The following HMGCLL1 variants were observed in gnomAD, a reference collection of about 807,000 sequenced individuals.
HMGCLL1 encodes 3-hydroxymethyl-3-methylglutaryl-CoA lyase, cytoplasmic.
Under a neutral mutation model 39.1 loss-of-function variants are expected in HMGCLL1, and 36 were observed. The ratio of observed to expected loss-of-function variants is 0.92; its 90% CI spans 0.71 to 1.22. The LOEUF (loss-of-function observed/expected upper bound fraction) is 1.22. Among genes scored for constraint, HMGCLL1 ranks in the 50% most tolerant of loss-of-function variants. The probability of loss-of-function intolerance (pLI) is 0.00; values close to 1 mark genes in which losing one functional copy is unlikely to be tolerated. For synonymous variants in HMGCLL1, 149 were observed against 144.0 expected, an observed-to-expected ratio of 1.03 and a Z score of -0.25; for missense variants, 451 against 416.5, an observed-to-expected ratio of 1.08 and a Z score of -0.72.
At chr6:55,589,332 G>T in the HMGCLL1 span, among the ~76,000 whole-genome samples, 1 of 152,190 alleles carries the variant, frequency 6.6e-6, no homozygotes, top group African/African-American at 2.4e-5. Flanking sequence ...TGCAGAAAAG[G>T]CCTTTGACAA....
At chr6:55,518,395 A>G (rs1767860797) in intron 3 of HMGCLL1, among the ~76,000 whole-genome samples, 1 of 152,178 alleles carries the variant, frequency 6.6e-6, no homozygotes, top group African/African-American at 2.4e-5. Flanking sequence ...GCATTGTTCC[A>G]ACAAAAAATG....
the HMGCLL1 span, among the ~76,000 whole-genome samples, chr6:55,653,086 A>C: frequency 6.6e-6 from 1 of 152,036 alleles, no homozygotes; most frequent in East Asian, 1.9e-4. Flanking sequence ...AATGAAATCC[A>C]TATCCAACTT....
At chr6:55,625,917 A>C in the HMGCLL1 span, among the ~76,000 whole-genome samples, 1 of 152,084 alleles carries the variant, frequency 6.6e-6, no homozygotes, top group African/African-American at 2.4e-5. Context: ...TTCTGTGGAC[A>C]CCACTCAGCC....
At chr6:55,436,890 G>A (rs1763392563) in intron 8 of HMGCLL1, among the ~76,000 whole-genome samples, 1 of 151,938 alleles carries the variant, frequency 6.6e-6, no homozygotes, top group African/African-American at 2.4e-5. Context: ...ACTAACATTT[G>A]CTTTGGTTTG....
At chr6:55,529,129 C>T (rs915286305) in intron 3 of HMGCLL1, among the ~76,000 whole-genome samples, 2 of 151,984 alleles carry the variant, frequency 1.3e-5, no homozygotes, top group Non-Finnish European at 2.9e-5. Flanking sequence ...TTGTGACCAC[C>T]CTCCTGGTCT....
At chr6:55,541,103 C>T (rs978305376) in intron 3 of HMGCLL1, among the ~76,000 whole-genome samples, 1 of 152,110 alleles carries the variant, frequency 6.6e-6, no homozygotes, top group Non-Finnish European at 1.5e-5. Flanking sequence ...GAGTGTTTTA[C>T]TGGTTGCTAA....
chr6:55,586,154 T>A, the HMGCLL1 span, among the ~76,000 whole-genome samples: 4 of 152,032 alleles, frequency 2.6e-5, no homozygotes, highest in African/African-American at 9.7e-5. Context: ...CTTAACTAAC[T>A]AAAATAGGCC....
At chr6:55,498,755 C>T (rs1018935169) in intron 6 of HMGCLL1, among the ~76,000 whole-genome samples, 2 of 152,032 alleles carry the variant, frequency 1.3e-5, no homozygotes, top group African/African-American at 4.8e-5. Flanking sequence ...TCTGGAATAA[C>T]AGCAACTTAA....
At chr6:55,636,682 A>T in the HMGCLL1 span, among the ~76,000 whole-genome samples, 1 of 152,196 alleles carries the variant, frequency 6.6e-6, no homozygotes, top group Non-Finnish European at 1.5e-5. Flanking sequence ...TTGCATTCAC[A>T]CCAGGTCCCC....
At chr6:55,490,587 T>C (rs1046177686) in intron 7 of HMGCLL1, among the ~76,000 whole-genome samples, 1 of 152,156 alleles carries the variant, frequency 6.6e-6, no homozygotes, top group Non-Finnish European at 1.5e-5. Flanking sequence ...GTGATCTAAG[T>C]ATAGTCTGTT....
chr6:55,545,673 G>A (rs1320864058), intron 1 of HMGCLL1, among the ~76,000 whole-genome samples: 1 of 152,046 alleles, frequency 6.6e-6, no homozygotes, highest in Non-Finnish European at 1.5e-5. Context: ...GAATATCTGG[G>A]GAGAAATATG....
At chr6:55,558,514 AT>A (rs1770786270) in intron 1 of HMGCLL1, among the ~76,000 whole-genome samples, 1 of 152,160 alleles carries the variant, frequency 6.6e-6, no homozygotes, top group East Asian at 1.9e-4. Flanking sequence ...AGACTTAATG[AT>A]TTTACACTTC....
chr6:55,567,118 C>G (rs1264649695), intron 1 of HMGCLL1, among the ~76,000 whole-genome samples: 1 of 152,004 alleles, frequency 6.6e-6, no homozygotes, highest in Non-Finnish European at 1.5e-5. Context: ...ATATTTCATT[C>G]TATTCAACCA....
At chr6:55,658,326 G>A in the HMGCLL1 span, among the ~76,000 whole-genome samples, 7 of 151,904 alleles carry the variant, frequency 4.6e-5, no homozygotes, top group Non-Finnish European at 4.4e-5. Flanking sequence ...ACATAAAATT[G>A]TTGCTGTCTT....
chr6:55,444,769 T>C (rs753200501), intron 7 of HMGCLL1, among the ~76,000 whole-genome samples: 25 of 152,020 alleles, frequency 1.6e-4, no homozygotes, highest in Non-Finnish European at 2.7e-4. Context: ...TTTTAACCTG[T>C]AGTAAAATGA....
At chr6:55,627,920 TAATATATATAC>T in the HMGCLL1 span, among the ~76,000 whole-genome samples, 1 of 2,718 alleles carries the variant, frequency 3.7e-4, no homozygotes, top group African/African-American at 1.3e-3. Flanking sequence ...TATATATATA[TAATATATATAC>T]TATATATATA....
chr6:55,672,153 G>C, the HMGCLL1 span, among the ~76,000 whole-genome samples: 2 of 151,424 alleles, frequency 1.3e-5, no homozygotes, highest in Non-Finnish European at 3.0e-5. Context: ...ATCAATAACT[G>C]ATCTTAATTT....
chr6:55,479,650 CACTT>C (rs753488254), intron 7 of HMGCLL1, among the ~76,000 whole-genome samples: 4 of 151,546 alleles, frequency 2.6e-5, no homozygotes, highest in Non-Finnish European at 1.5e-5. Flanking sequence ...TGTAGACACT[CACTT>C]AGAGACATTT....
intron 1 of HMGCLL1, chr6:55,566,354 T>C: frequency 8.7e-6 from 2 of 229,574 alleles, no homozygotes; most frequent in Non-Finnish European, 1.8e-5. Flanking sequence ...AAAAAGACTT[T>C]ATGAAATGCA....
Sources: gnomAD v4.1 joint callset for allele counts (sites outside exome capture counted in the v4.1 genomes callset) on GRCh38, gnomAD v4.1.1 for gene constraint, MANE v1.5 for transcripts, NCBI Gene and HGNC (gene_info 2026-07-23, HGNC 2026-07-21) for gene names.